SNX13: variants seen among roughly 807,000 people sequenced by gnomAD.
SNX13 encodes the protein sorting nexin 13.
In SNX13, 45 loss-of-function variants were observed where a neutral mutation model predicts 133.6. That is an observed-to-expected ratio of 0.34 (90% confidence interval 0.27 to 0.43). The LOEUF (loss-of-function observed/expected upper bound fraction) is 0.43. SNX13 is among the 20% of genes least tolerant of loss of function. SNX13 has a pLI of 1.00. For synonymous variants in SNX13, 414 were observed against 373.9 expected, an observed-to-expected ratio of 1.11 and a Z score of -1.24; for missense variants, 1,032 against 1,145.1, an observed-to-expected ratio of 0.90 and a Z score of 1.43.
intron 17 of SNX13, among the ~76,000 whole-genome samples, chr7:17,824,147 C>T (rs533734316): frequency 6.6e-6 from 1 of 152,038 alleles, no homozygotes. Context: ...AGCAGGCGAT[C>T]TGCAAACTAT....
chr7:17,868,437 A>G lies in SNX13; in HGVS notation c.807T>C (p.Pro269=). Residue 269 remains proline (P), a synonymous_variant, in exon 9 of 26, where the codon CCT becomes CCC. Transcript: ENST00000428135. ...ATATGACATACTGATTAATATAATCAGGATCACTGAGTTGATTTATTAATG... is the reference window on the plus strand; with the variant it reads ...ATATGACATACTGATTAATATAATCGGGATCACTGAGTTGATTTATTAATG... ...LLPLINQLSD[P]DYINQYVIWM... 2 of 1,610,106 alleles carry G rather than the reference A, an allele frequency of 1.2e-6. No homozygotes were observed. The highest frequency in any genetic ancestry group is 2.7e-5 in the African/African-American group (2 of 74,920).
intron 20 of SNX13, among the ~76,000 whole-genome samples, chr7:17,806,907 G>T (rs541936375): frequency 6.6e-6 from 1 of 152,206 alleles, no homozygotes; most frequent in Non-Finnish European, 1.5e-5. Flanking sequence ...GTGCCTTGAG[G>T]AATGGTGATT....
chr7:17,888,010 T>C (rs907026705), intron 5 of SNX13: 1 of 152,186 alleles, frequency 6.6e-6, no homozygotes, highest in African/African-American at 2.4e-5. Flanking sequence ...TTCTGAAGTA[T>C]ATGAATGATT....
At chr7:17,904,788 T>C (rs1017443924) in intron 1 of SNX13, among the ~76,000 whole-genome samples, 2 of 152,180 alleles carry the variant, frequency 1.3e-5, no homozygotes, top group African/African-American at 4.8e-5. Flanking sequence ...AGAGTGGTCT[T>C]ATAACAAGTA....
intron 11 of SNX13, among the ~76,000 whole-genome samples, chr7:17,848,827 C>G (rs976031144): frequency 1.3e-5 from 2 of 152,220 alleles, no homozygotes; most frequent in African/African-American, 2.4e-5. Context: ...AAACAAGACA[C>G]CCCTGTTGCA....
chr7:17,791,438 CA>C lies in SNX13; in HGVS notation c.*2606del, dbSNP rs1281823638. On this transcript the variant is annotated 3_prime_UTR_variant, in exon 26 of 26. Coordinates refer to ENST00000428135, the MANE Select transcript of SNX13 (RefSeq NM_015132.5). ...CAAGTGCATCCATTGGTCAATGGCA[CA>C]ATTGATTTCAGCAACTATTTGGAAT... is the stretch of plus-strand genomic sequence containing the variant. 6.6e-6 allele frequency: 1 copy of C among 150,712 alleles called. No individual in the cohort carries two copies. Among genetic ancestry groups the C allele is most frequent in the Non-Finnish European group, 1.5e-5 (1 of 67,602 alleles). The allele number at this position is 150,712 out of a possible 1,614,324, so 9.3% of individuals were successfully genotyped here.
chr7:17,793,900 C>G lies in SNX13; in HGVS notation c.*145G>C. 1.2e-6 allele frequency: 1 copy of G among 821,530 alleles called. No homozygotes were observed. Among genetic ancestry groups the G allele is most frequent in the Non-Finnish European group, 1.8e-6 (1 of 548,630 alleles). The allele number at this position is 821,530 out of a possible 1,614,324, so 50.9% of individuals were successfully genotyped here. A position where few individuals can be genotyped will look rare whatever the true frequency, so the allele number is the denominator to read the frequency against. The stretch of plus-strand genomic sequence containing the variant: ...GGATTATAGATGAGAATGAGAAGAA[C>G]CACAGACTTATGGATGTATTAATAA... On this transcript the variant is annotated 3_prime_UTR_variant, in exon 26 of 26. Transcript: ENST00000428135.
intron 1 of SNX13, among the ~76,000 whole-genome samples, chr7:17,938,004 T>C (rs1296131070): frequency 2.6e-5 from 4 of 152,162 alleles, no homozygotes; most frequent in African/African-American, 9.7e-5. Context: ...TCACATCTCC[T>C]AAAAGCTGCT....
At chr7:17,927,203 T>C (rs1800854937) in intron 1 of SNX13, among the ~76,000 whole-genome samples, 1 of 149,814 alleles carries the variant, frequency 6.7e-6, no homozygotes, top group African/African-American at 2.4e-5. Flanking sequence ...TATATATGTG[T>C]ATATATAATA....
Position 17,793,997 on chromosome 7 carries a change from TACC to T in SNX13, c.*45_*47del. On this transcript the variant is annotated 3_prime_UTR_variant, in exon 26 of 26. Transcript: ENST00000428135. ...AGTTAAGCCCCAGAAGATCTGTCCA[TACC>T]ATTAGTCCTGGACAAAATGAACACC... The T allele has an allele frequency of 6.3e-7, 1 of 1,590,164 alleles. No individual in the cohort carries two copies. Among genetic ancestry groups the T allele is most frequent in the Non-Finnish European group, 8.6e-7 (1 of 1,166,540 alleles).
At chr7:17,801,495 CATTAATG>C (rs998566494) in intron 22 of SNX13, 86 bp downstream of exon 22, 1 of 879,456 alleles carries the variant, frequency 1.1e-6, no homozygotes, top group Non-Finnish European at 1.8e-6. Context: ...AATATGTGCA[CATTAATG>C]ATACATAGAA....
chr7:17,809,319 A>C (rs2389857), intron 20 of SNX13, among the ~76,000 whole-genome samples: 11,704 of 150,002 alleles, frequency 0.078, 691 homozygotes, highest in Admixed American at 0.13. Context: ...CAGGTATTGC[A>C]ATCTTAGTCT....
At chr7:17,887,912 A>G (rs968428034) in intron 5 of SNX13, among the ~76,000 whole-genome samples, 1 of 151,968 alleles carries the variant, frequency 6.6e-6, no homozygotes, top group South Asian at 2.1e-4. Context: ...AGAGCCCTAT[A>G]AAGGACTGTA....
At chr7:17,821,183 T>C (rs1052619855) in intron 18 of SNX13, among the ~76,000 whole-genome samples, 1 of 152,134 alleles carries the variant, frequency 6.6e-6, no homozygotes, top group African/African-American at 2.4e-5. Flanking sequence ...GCAATCCCCA[T>C]TCCTACTTCA....
At chr7:17,882,840 G>C (rs768253544) in intron 5 of SNX13, 2 of 1,282,310 alleles carry the variant, frequency 1.6e-6, no homozygotes. Flanking sequence ...AGGAGACACA[G>C]TGAGACCAAG....
chr7:17,893,512 TC>T (rs1371309940), intron 2 of SNX13, 78 bp from the exon 3 acceptor site: 1 of 930,090 alleles, frequency 1.1e-6, no homozygotes, highest in Non-Finnish European at 1.6e-6. Flanking sequence ...AAGTATATTT[TC>T]CAGAGTTCAC....
rs556370354 is a variant in SNX13 at position 17,939,277 on chromosome 7, C to T, written c.12+1007G>A. Among the ~76,000 whole-genome samples, 11 of 152,306 alleles carry T rather than the reference C, an allele frequency of 7.2e-5. No homozygotes were observed. In the South Asian group the frequency reaches 1.5e-3, roughly 20 times the overall value. ...TTGCCCACTAAAACTGTTTCCTATT[C>T]AGTTCAGCCCATAAAAATGCCCAAT... On this transcript the variant is annotated intron_variant, in intron 1 of 25. Transcript: ENST00000428135.
chr7:17,839,765 A>G, intron 13 of SNX13, 42 bp downstream of exon 13: 1 of 1,489,148 alleles, frequency 6.7e-7, no homozygotes, highest in Non-Finnish European at 9.0e-7. Context: ...ATTATTAATA[A>G]TACTGCTAAA....
chr7:17,823,367 C>T (rs1179065421), intron 17 of SNX13, among the ~76,000 whole-genome samples: 7 of 152,036 alleles, frequency 4.6e-5, no homozygotes, highest in Non-Finnish European at 1.0e-4. Context: ...TGTGAATAAA[C>T]GTGGTCAAGT....
Sources: allele counts gnomAD v4.1 joint callset (sites outside exome capture counted in the v4.1 genomes callset), GRCh38; gene constraint gnomAD v4.1.1; transcripts MANE v1.5; gene names NCBI Gene and HGNC (gene_info 2026-07-23, HGNC 2026-07-21).